Variants in IL17RA observed in about 807,000 individuals in gnomAD.
IL17RA encodes the protein interleukin-17 receptor A.
A neutral mutation model predicts 50.4 loss-of-function variants in IL17RA; 34 were observed. The observed-to-expected ratio is 0.67, with a 90% confidence interval of 0.51 to 0.90. The LOEUF is 0.90. Among genes scored for constraint, IL17RA ranks in the 40% least tolerant of loss-of-function variants. The pLI is 0.00. For missense variants in IL17RA, 1,276 were observed against 1,169.8 expected (o/e 1.09, Z -1.32); for synonymous variants, 585 against 510.4 (o/e 1.15, Z -1.97).
At position 17,102,270 on chromosome 22, in the gene IL17RA, A is replaced by G. The variant is rs1224744002; in HGVS notation, c.730A>G (p.Ser244Gly). Residue 244 changes from serine to glycine, a missense_variant, in exon 7 of 13, where the codon AGT becomes GGT. Transcript: ENST00000319363. ...CAGTTTTCCGCACATGGAGAACCAC[A>G]GTTGCTTTGAGCACATGCACCACAT... ...LTSFPHMENH[S>G]CFEHMHHIPA... 6.2e-7 allele frequency: 1 copy of G among 1,614,140 alleles called. No individual in the cohort carries two copies. Among genetic ancestry groups the G allele is most frequent in the East Asian group, 2.2e-5 (1 of 44,880 alleles).
chr22:17,089,947 A>G (rs918724614), intron 1 of IL17RA, among the ~76,000 whole-genome samples: 1 of 151,756 alleles, frequency 6.6e-6, no homozygotes, highest in Non-Finnish European at 1.5e-5. Context: ...ACAAGACAAG[A>G]TATGTCTTAG....
chr22:17,104,551 C>T (rs2302519), intron 8 of IL17RA, among the ~76,000 whole-genome samples, 175 bp from the exon 9 acceptor site: 56,418 of 152,044 alleles, frequency 0.37, 11,006 homozygotes, highest in Non-Finnish European at 0.44. Context: ...TCTGGTTCTC[C>T]CACCCTCACC....
At chr22:17,090,529 G>A (rs1056323102) in intron 1 of IL17RA, among the ~76,000 whole-genome samples, 16 of 152,022 alleles carry the variant, frequency 1.1e-4, no homozygotes, top group African/African-American at 2.4e-4. Context: ...AGATCCCTGC[G>A]CCACCCCTAA....
At chr22:17,103,095 TTG>T (rs2061397615) in intron 7 of IL17RA, among the ~76,000 whole-genome samples, 1 of 152,168 alleles carries the variant, frequency 6.6e-6, no homozygotes, top group South Asian at 2.1e-4. Flanking sequence ...TGAGCTGAGA[TTG>T]TGCCACTGCA....
chr22:17,102,366 CTT>C (rs775651309), intron 7 of IL17RA, 64 bp downstream of exon 7: 200 of 1,568,062 alleles, frequency 1.3e-4, no homozygotes, highest in Non-Finnish European at 1.7e-4. Context: ...CCCTGAGTCT[CTT>C]CTCTGCTGGT....
chr22:17,100,772 C>T (rs192091235), intron 5 of IL17RA, among the ~76,000 whole-genome samples: 1 of 152,328 alleles, frequency 6.6e-6, no homozygotes, highest in East Asian at 1.9e-4. Context: ...AAGCACCCAG[C>T]CTGCCCAGAA....
chr22:17,092,334 T>C (rs1382947387), intron 1 of IL17RA, among the ~76,000 whole-genome samples: 1 of 152,196 alleles, frequency 6.6e-6, no homozygotes, highest in Non-Finnish European at 1.5e-5. Flanking sequence ...TTCCCTGAGT[T>C]CTCTGAGCAG....
chr22:17,103,089 C>G lies in IL17RA; in HGVS notation c.763-405C>G, dbSNP rs148247932. On this transcript the variant is annotated intron_variant, in intron 7 of 12. Transcript: ENST00000319363. ...CCTGGGAGGCAGAGGTTGTAGTGAG[C>G]TGAGATTGTGCCACTGCACTCCAGC... 5.6e-4 allele frequency among the ~76,000 whole-genome samples: 85 copies of G among 152,298 alleles called. 1 individual carries two copies. The East Asian group carries it at 0.015, about 27-fold the overall frequency.
Position 17,098,755 on chromosome 22 carries a change from C to G in IL17RA, c.311-20C>G, listed in dbSNP as rs1302696965. On this transcript the variant is annotated intron_variant, in intron 3 of 12. Transcript: ENST00000319363. ...TGGCTGATCTGCATCTGTTTGTCTT[C>G]TCTTCTCCCTCTCCTGCAGCCAGCA... The G allele has an allele frequency of 6.2e-7, 1 of 1,601,346 alleles. No individual in the cohort carries two copies. Among genetic ancestry groups the G allele is most frequent in the Non-Finnish European group, 8.6e-7 (1 of 1,168,648 alleles).
At position 17,105,950 on chromosome 22, in the gene IL17RA, A is replaced by G. The variant is rs763559709; in HGVS notation, c.1041A>G (p.Leu347=). 6.8e-6 allele frequency: 11 copies of G among 1,613,770 alleles called. No homozygotes were observed. In the South Asian group the frequency reaches 1.2e-4, roughly 18 times the overall value. Residue 347 remains leucine (L), a synonymous_variant, in exon 11 of 13, where the codon CTA becomes CTG. Transcript: ENST00000319363. ...TCATCGTCTGCATGACCTGGAGGCT[A>G]GCTGGTAAGCGCTGGGGCTCTGGCT... ...ILLIVCMTWR[L]AGPGSEKYSD...
rs2061459532 is a variant in IL17RA, at chr22:17,114,648, CG to C, written c.*4831del. 2 of 152,286 alleles carry C rather than the reference CG, an allele frequency of 1.3e-5. No individual in the cohort carries two copies. The highest frequency in any genetic ancestry group is 4.8e-5 in the African/African-American group (2 of 41,424). 9.4% of individuals were successfully genotyped at this position (152,286 alleles called of 1,614,324 possible). ...CCCTGCATTTGCCTGCTTCCCTGCACGGGTGTCCCACTGGCCGCCTCTGCTC... is the reference window on the plus strand; with the variant it reads ...CCCTGCATTTGCCTGCTTCCCTGCACGGTGTCCCACTGGCCGCCTCTGCTC... On this transcript the variant is annotated 3_prime_UTR_variant, in exon 13 of 13. Coordinates refer to ENST00000319363, the MANE Select transcript of IL17RA (RefSeq NM_014339.7).
chr22:17,085,966 T>G lies in IL17RA; in HGVS notation c.138+737T>G, dbSNP rs1033461509. Among the ~76,000 whole-genome samples the G allele has an allele frequency of 7.9e-5, 12 of 151,514 alleles. No homozygotes were observed. In the South Asian group the frequency reaches 1.0e-3, roughly 13 times the overall value. ...CAGATGGTTCTTAAGACGGCGCCCTTCCCGCCACTCCCACCCCCGACTACC... is the reference window on the plus strand; with the variant it reads ...CAGATGGTTCTTAAGACGGCGCCCTGCCCGCCACTCCCACCCCCGACTACC... On this transcript the variant is annotated intron_variant, in intron 1 of 12. Transcript: ENST00000319363.
chr22:17,108,290 T>C lies in IL17RA; in HGVS notation c.1088-17T>C. 6.2e-7 allele frequency: 1 copy of C among 1,613,510 alleles called. No individual in the cohort carries two copies. Among genetic ancestry groups the C allele is most frequent in the Non-Finnish European group, 8.5e-7 (1 of 1,179,740 alleles). ...GCCCTGGGGTGAGGGTCAGCATGTG[T>C]GGTCTTGTTTCCTTAGATGGCCTGC... On this transcript the variant is annotated splice_polypyrimidine_tract_variant and intron_variant, in intron 12 of 12. Coordinates refer to ENST00000319363, the MANE Select transcript of IL17RA (RefSeq NM_014339.7).
intron 4 of IL17RA, among the ~76,000 whole-genome samples, chr22:17,099,373 T>C (rs2061381490): frequency 6.6e-6 from 1 of 151,952 alleles, no homozygotes; most frequent in South Asian, 2.1e-4. Flanking sequence ...AATGGTGAAA[T>C]GTTGATTCTT....
chr22:17,085,488 C>T (rs959149995), intron 1 of IL17RA, among the ~76,000 whole-genome samples: 1 of 152,004 alleles, frequency 6.6e-6, no homozygotes, highest in Non-Finnish European at 1.5e-5. Context: ...CCTGGCCCGC[C>T]GTCGTGACTG....
intron 3 of IL17RA, 128 bp downstream of exon 3, chr22:17,098,071 A>T (rs1358578751): frequency 9.2e-7 from 1 of 1,082,472 alleles, no homozygotes; most frequent in East Asian, 2.5e-5. Flanking sequence ...TGCTATAAGG[A>T]TCCGTCATTT....
At chr22:17,094,679 C>CTATA (rs1165282064) in intron 1 of IL17RA, among the ~76,000 whole-genome samples, 2 of 48,930 alleles carry the variant, frequency 4.1e-5, no homozygotes, top group East Asian at 8.2e-4. Context: ...CTCTCTCTCT[C>CTATA]TCTCTCTCTC....
At position 17,108,986 on chromosome 22, in the gene IL17RA, C is replaced by T. The variant is rs1233533959; in HGVS notation, c.1767C>T (p.Asn589=). ...VRCPDWFECE[N]LYSADDQDAP... ...GTCCCGACTGGTTCGAATGTGAGAACCTCTACTCAGCAGATGACCAGGATG... is the reference window on the plus strand; with the variant it reads ...GTCCCGACTGGTTCGAATGTGAGAATCTCTACTCAGCAGATGACCAGGATG... Residue 589 remains asparagine, a synonymous_variant, in exon 13 of 13, where the codon AAC becomes AAT. Coordinates refer to ENST00000319363, the MANE Select transcript of IL17RA (RefSeq NM_014339.7). 5.0e-6 allele frequency: 8 copies of T among 1,603,518 alleles called. No homozygotes were observed. Among genetic ancestry groups the T allele is most frequent in the Non-Finnish European group, 6.8e-6 (8 of 1,179,212 alleles).
chr22:17,108,913 G>A lies in IL17RA; in HGVS notation c.1694G>A (p.Arg565Lys), dbSNP rs1267318006. 3 of 1,611,790 alleles carry A rather than the reference G, an allele frequency of 1.9e-6. No individual in the cohort carries two copies. Among genetic ancestry groups the A allele is most frequent in the Admixed American group, 1.7e-5 (1 of 59,910 alleles). The change falls in exon 13 of 13, where the codon AGG becomes AAG. Residue 565 changes from arginine (R) to lysine (K), a missense_variant. By Grantham distance (26) the Arg-to-Lys change is conservative (BLOSUM62 2). Transcript: ENST00000319363. ...GDNYLRSPGG[R>K]QLRAALDRFR... ...AACTACCTGCGGAGCCCGGGCGGCA[G>A]GCAGCTCCGCGCCGCCCTGGACAGG...
Sources: gnomAD v4.1 joint callset for allele counts (sites outside exome capture counted in the v4.1 genomes callset) on GRCh38, gnomAD v4.1.1 for gene constraint, MANE v1.5 for transcripts, NCBI Gene and HGNC (gene_info 2026-07-23, HGNC 2026-07-21) for gene names.